The following CPLX2 variants were observed in gnomAD, a reference collection of about 807,000 sequenced individuals.
CPLX2 encodes complexin 2.
CPLX2 carries 5 observed loss-of-function variants against 16.3 expected under a neutral mutation model. That is an observed-to-expected ratio of 0.31 (90% CI 0.16 to 0.64). The LOEUF (loss-of-function observed/expected upper bound fraction) is 0.64, where lower values mean the gene tolerates loss of function less well. CPLX2 is among the 30% of genes least tolerant of loss of function. CPLX2 has a pLI of 0.79. For synonymous variants in CPLX2, 89 were observed against 73.2 expected, an observed-to-expected ratio of 1.22 and a Z score of -1.10; for missense variants, 144 against 181.4, an observed-to-expected ratio of 0.79 and a Z score of 1.18.
At chr5:175,819,703 G>A (rs576682637) in intron 2 of CPLX2, among the ~76,000 whole-genome samples, 3 of 152,166 alleles carry the variant, frequency 2.0e-5, no homozygotes, top group East Asian at 3.9e-4. Context: ...AGGTTTCATC[G>A]GCTTCCTCTG....
intron 1 of CPLX2, among the ~76,000 whole-genome samples, chr5:175,808,132 C>T (rs1458658731): frequency 2.0e-5 from 3 of 152,194 alleles, no homozygotes; most frequent in African/African-American, 7.2e-5. Context: ...GGCCTGGCTG[C>T]AGCAGAGAGC....
chr5:175,842,159 C>T (rs906636406), intron 2 of CPLX2, among the ~76,000 whole-genome samples: 1 of 152,230 alleles, frequency 6.6e-6, no homozygotes, highest in African/African-American at 2.4e-5. Flanking sequence ...GACAGCAAAG[C>T]AGTGGCACAG....
chr5:175,807,957 T>A (rs1034386896), intron 1 of CPLX2, among the ~76,000 whole-genome samples: 14 of 152,186 alleles, frequency 9.2e-5, no homozygotes, highest in Non-Finnish European at 2.1e-4. Flanking sequence ...TCCTCACCTC[T>A]GCAAGTGAGA....
At chr5:175,802,744 C>T (rs1017146020) in intron 1 of CPLX2, among the ~76,000 whole-genome samples, 2 of 152,324 alleles carry the variant, frequency 1.3e-5, no homozygotes, top group South Asian at 2.1e-4. Flanking sequence ...GGGGTAATAC[C>T]GCCAGGGCCC....
rs1293858603 is a variant in CPLX2, at chr5:175,835,832, G to A, written c.-89+26764G>A. 4.8e-5 allele frequency among the ~76,000 whole-genome samples: 7 copies of A among 144,360 alleles called. No individual in the cohort carries two copies. In the South Asian group the frequency reaches 1.1e-3, roughly 23 times the overall value. The allele number at this position is 144,360 out of a possible 152,430, so 94.7% of individuals were successfully genotyped here. Reference sequence around the variant, plus strand: ...TGGTTCACTGCAGCCTCCACATCCCGGGTTCAAGTGATTCTCCTGCCTCAG... The same window carrying A: ...TGGTTCACTGCAGCCTCCACATCCCAGGTTCAAGTGATTCTCCTGCCTCAG... On this transcript the variant is annotated intron_variant, in intron 2 of 4. Transcript: ENST00000359546.
chr5:175,827,862 A>T (rs2113653692), intron 2 of CPLX2, among the ~76,000 whole-genome samples: 1 of 152,290 alleles, frequency 6.6e-6, no homozygotes, highest in African/African-American at 2.4e-5. Flanking sequence ...TCATTCATAG[A>T]CCCATCTGCC....
Position 175,878,682 on chromosome 5 carries a change from A to G in CPLX2, c.-58A>G. 6.3e-7 allele frequency: 1 copy of G among 1,596,998 alleles called. No homozygotes were observed. Among genetic ancestry groups the G allele is most frequent in the Non-Finnish European group, 8.5e-7 (1 of 1,171,230 alleles). On this transcript the variant is annotated 5_prime_UTR_variant, in exon 2 of 4. Coordinates refer to ENST00000393745, the MANE Select transcript of CPLX2 (RefSeq NM_001008220.2). ...CACATCTTCCCAAGCCAGGCCAGCC[A>G]GGAGCGCTGCATGCAAATTCTGCCG...
intron 2 of CPLX2, among the ~76,000 whole-genome samples, chr5:175,852,131 GATA>G (rs1439270401): frequency 6.6e-6 from 1 of 152,194 alleles, no homozygotes; most frequent in African/African-American, 2.4e-5. Flanking sequence ...CTCAAACTCA[GATA>G]ATTTCCCCTG....
chr5:175,877,414 C>T (rs73803083), intron 1 of CPLX2, among the ~76,000 whole-genome samples: 10,543 of 152,158 alleles, frequency 0.069, 579 homozygotes, highest in East Asian at 0.15. Context: ...CTGAACTCAG[C>T]CAGGCTGCAA....
At chr5:175,818,677 T>TTG in intron 2 of CPLX2, among the ~76,000 whole-genome samples, 1 of 143,360 alleles carries the variant, frequency 7.0e-6, no homozygotes, top group Admixed American at 6.9e-5. Context: ...TTTTTTTTTT[T>TTG]TTGAGACAGA....
rs374135962 is a variant in CPLX2 at position 175,831,401 on chromosome 5, G to A, written c.-89+22333G>A. Among the ~76,000 whole-genome samples the A allele has an allele frequency of 7.2e-5, 11 of 152,268 alleles. No individual in the cohort carries two copies. The East Asian group carries it at 9.7e-4, about 13-fold the overall frequency. On this transcript the variant is annotated intron_variant, in intron 2 of 4. Coordinates refer to the CPLX2 transcript ENST00000359546. ...ATTTGCTTCCTGGCTCCCAGGGCCCGTCTACTCAGTCACCCCATTCAGGCT... is the reference window on the plus strand; with the variant it reads ...ATTTGCTTCCTGGCTCCCAGGGCCCATCTACTCAGTCACCCCATTCAGGCT...
At chr5:175,822,159 C>T (rs935478565) in intron 2 of CPLX2, among the ~76,000 whole-genome samples, 1 of 151,956 alleles carries the variant, frequency 6.6e-6, no homozygotes, top group African/African-American at 2.4e-5. Flanking sequence ...CCACCTTCTC[C>T]TTCATTTTCT....
chr5:175,880,332 A>C lies in CPLX2; in HGVS notation c.*287A>C, dbSNP rs1581108410. 2.1e-6 allele frequency: 1 copy of C among 472,486 alleles called. No homozygotes were observed. The highest frequency in any genetic ancestry group is 4.3e-5 in the East Asian group (1 of 23,242). 29.3% of individuals were successfully genotyped at this position (472,486 alleles called of 1,614,324 possible). A position where few individuals can be genotyped will look rare whatever the true frequency, so the allele number is the denominator to read the frequency against. ...AGCCTAAGGTCGTGCTAGTGTGGTG[A>C]CCCCCATACATTCCTCCCTGCTCCC... On this transcript the variant is annotated 3_prime_UTR_variant, in exon 4 of 4. Coordinates refer to ENST00000393745, the MANE Select transcript of CPLX2 (RefSeq NM_001008220.2).
At chr5:175,852,416 G>A (rs1759175134) in intron 2 of CPLX2, among the ~76,000 whole-genome samples, 1 of 152,194 alleles carries the variant, frequency 6.6e-6, no homozygotes, top group South Asian at 2.1e-4. Flanking sequence ...GAAAGAGCCT[G>A]CAAAAGAGAA....
At chr5:175,807,853 G>T (rs7710632) in intron 1 of CPLX2, among the ~76,000 whole-genome samples, 1 of 152,102 alleles carries the variant, frequency 6.6e-6, no homozygotes. Flanking sequence ...AGGAGGTAAC[G>T]GTGCCTGGAG....
At chr5:175,838,144 A>G (rs17065556) in intron 2 of CPLX2, among the ~76,000 whole-genome samples, 23,773 of 152,072 alleles carry the variant, frequency 0.16, 2,196 homozygotes, top group East Asian at 0.29. Context: ...ATAGACCGGG[A>G]AATTTTGCCA....
At chr5:175,843,440 CAT>C (rs202090540) in intron 2 of CPLX2, among the ~76,000 whole-genome samples, 3,077 of 152,380 alleles carry the variant, frequency 0.02, 90 homozygotes, top group African/African-American at 0.069. Context: ...ACCAGGCACA[CAT>C]GTGTGCATGC....
At chr5:175,852,884 C>T (rs576245676) in intron 2 of CPLX2, among the ~76,000 whole-genome samples, 2 of 152,100 alleles carry the variant, frequency 1.3e-5, no homozygotes, top group African/African-American at 4.8e-5. Flanking sequence ...TCTGTGGGTA[C>T]CACTCTCGAT....
At chr5:175,850,634 G>A (rs1029296245) in intron 2 of CPLX2, among the ~76,000 whole-genome samples, 9 of 152,316 alleles carry the variant, frequency 5.9e-5, no homozygotes, top group Admixed American at 3.3e-4. Flanking sequence ...CAAAGGCCCT[G>A]AGAAGTCCTG....
Sources: allele counts gnomAD v4.1 joint callset (sites outside exome capture counted in the v4.1 genomes callset), GRCh38; gene constraint gnomAD v4.1.1; transcripts MANE v1.5; gene names NCBI Gene and HGNC (gene_info 2026-07-23, HGNC 2026-07-21).